The following TP63 variants were observed in gnomAD, a reference collection of about 807,000 sequenced individuals.
TP63 encodes the protein tumor protein p63.
A neutral mutation model predicts 82.8 loss-of-function variants in TP63; 17 were observed. The ratio of observed to expected loss-of-function variants is 0.21; its 90% CI spans 0.14 to 0.31. TP63 has a LOEUF of 0.31. TP63 is among the 10% of genes least tolerant of loss of function. TP63 has a pLI of 1.00. For missense variants in TP63, 648 were observed against 895.3 expected (o/e 0.72, Z 3.52); for synonymous variants, 330 against 321.7 (o/e 1.03, Z -0.28).
intron 4 of TP63, among the ~76,000 whole-genome samples, chr3:189,855,543 A>G (rs1428129444): frequency 6.6e-6 from 1 of 152,130 alleles, no homozygotes; most frequent in Non-Finnish European, 1.5e-5. Flanking sequence ...CTATTCTACT[A>G]AAAAGTTACA....
intron 1 of TP63, among the ~76,000 whole-genome samples, chr3:189,711,859 A>G (rs370153090): frequency 6.6e-6 from 1 of 152,320 alleles, no homozygotes; most frequent in African/African-American, 2.4e-5. Flanking sequence ...AGCAAAGAAT[A>G]TAAGGCGGAG....
intron 3 of TP63, among the ~76,000 whole-genome samples, chr3:189,775,283 A>G (rs1284767115): frequency 6.6e-6 from 1 of 152,060 alleles, no homozygotes; most frequent in Admixed American, 6.6e-5. Flanking sequence ...AACTACATAT[A>G]AAGAAGTCAT....
chr3:189,710,002 T>C (rs1396825591), intron 1 of TP63, among the ~76,000 whole-genome samples: 1 of 152,204 alleles, frequency 6.6e-6, no homozygotes, highest in Non-Finnish European at 1.5e-5. Context: ...AACCATATCA[T>C]TTACTTAGTA....
chr3:189,769,458 A>G (rs976122498), intron 3 of TP63, among the ~76,000 whole-genome samples: 1 of 152,214 alleles, frequency 6.6e-6, no homozygotes, highest in Non-Finnish European at 1.5e-5. Context: ...AGCCAGCTCT[A>G]CCATGAGTTT....
At chr3:189,613,672 C>CA in the TP63 span, among the ~76,000 whole-genome samples, 5 of 152,252 alleles carry the variant, frequency 3.3e-5, no homozygotes, top group East Asian at 7.7e-4. Context: ...GGCAGACACT[C>CA]ATGAAAGCAG....
chr3:189,603,568 C>T, the TP63 span, among the ~76,000 whole-genome samples: 2 of 149,574 alleles, frequency 1.3e-5, no homozygotes, highest in East Asian at 3.9e-4. Flanking sequence ...TTTCCCTTGC[C>T]AGGAACTACC....
At chr3:189,614,629 C>A in the TP63 span, among the ~76,000 whole-genome samples, 1 of 152,152 alleles carries the variant, frequency 6.6e-6, no homozygotes, top group Non-Finnish European at 1.5e-5. Context: ...ATTTAATTTC[C>A]TTCATTATTT....
chr3:189,850,298 C>A (rs1046308810), intron 4 of TP63, among the ~76,000 whole-genome samples: 1 of 151,928 alleles, frequency 6.6e-6, no homozygotes, highest in Admixed American at 6.6e-5. Flanking sequence ...CCCCTTCCCC[C>A]ACCGCCACCA....
intron 1 of TP63, among the ~76,000 whole-genome samples, chr3:189,650,468 T>C (rs1712795138): frequency 6.8e-6 from 1 of 146,342 alleles, no homozygotes; most frequent in African/African-American, 2.6e-5. Context: ...GTGGAGAAGA[T>C]TGAATCATGG....
At chr3:189,838,101 T>A (rs2108731025) in intron 4 of TP63, among the ~76,000 whole-genome samples, 1 of 152,300 alleles carries the variant, frequency 6.6e-6, no homozygotes, top group African/African-American at 2.4e-5. Context: ...AGATTAAATA[T>A]GAGCTAAGCT....
chr3:189,684,248 A>C (rs1224013431), intron 1 of TP63, among the ~76,000 whole-genome samples: 2 of 152,216 alleles, frequency 1.3e-5, no homozygotes, highest in Non-Finnish European at 2.9e-5. Flanking sequence ...TATGAAGCTG[A>C]ATAAGATACA....
the TP63 span, among the ~76,000 whole-genome samples, chr3:189,616,143 T>A: frequency 1.3e-5 from 2 of 152,198 alleles, no homozygotes; most frequent in Non-Finnish European, 2.9e-5. Context: ...TAAACACATT[T>A]AAAAAAACTG....
the TP63 span, among the ~76,000 whole-genome samples, chr3:189,616,151 C>A: frequency 1.3e-5 from 2 of 152,338 alleles, no homozygotes; most frequent in East Asian, 3.9e-4. Context: ...TTTAAAAAAA[C>A]TGTTCAAACC....
intron 3 of TP63, among the ~76,000 whole-genome samples, chr3:189,761,905 C>G (rs1444083666): frequency 6.6e-6 from 1 of 152,124 alleles, no homozygotes; most frequent in Non-Finnish European, 1.5e-5. Context: ...CAGAGAAACC[C>G]CCGTTTTTAA....
intron 3 of TP63, among the ~76,000 whole-genome samples, chr3:189,782,379 G>A (rs893484487): frequency 3.3e-5 from 5 of 152,128 alleles, no homozygotes; most frequent in Non-Finnish European, 5.9e-5. Flanking sequence ...AGTTGACTGC[G>A]TCTATGACCA....
intron 1 of TP63, among the ~76,000 whole-genome samples, chr3:189,732,680 G>A (rs1720260493): frequency 1.3e-5 from 2 of 152,146 alleles, no homozygotes; most frequent in Admixed American, 1.3e-4. Context: ...GAGTAACTTG[G>A]CCATGGCCTC....
At chr3:189,618,862 G>A in the TP63 span, among the ~76,000 whole-genome samples, 1 of 152,060 alleles carries the variant, frequency 6.6e-6, no homozygotes, top group Non-Finnish European at 1.5e-5. Flanking sequence ...CCGTCTTGTA[G>A]GGAAACCCAT....
intron 10 of TP63, among the ~76,000 whole-genome samples, chr3:189,876,423 G>A (rs369020978): frequency 6.6e-6 from 1 of 151,942 alleles, no homozygotes; most frequent in Non-Finnish European, 1.5e-5. Context: ...TGTTAATATT[G>A]TGTTATTTTT....
intron 1 of TP63, among the ~76,000 whole-genome samples, chr3:189,638,235 A>G (rs1433690255): frequency 6.6e-6 from 1 of 152,170 alleles, no homozygotes; most frequent in African/African-American, 2.4e-5. Context: ...TATGGACACT[A>G]GAAAACTGCG....
Sources: gnomAD v4.1 joint callset for allele counts (sites outside exome capture counted in the v4.1 genomes callset) on GRCh38, gnomAD v4.1.1 for gene constraint, MANE v1.5 for transcripts, NCBI Gene and HGNC (gene_info 2026-07-23, HGNC 2026-07-21) for gene names.